The following ARHGEF10 variants were observed in gnomAD, a reference collection of about 807,000 sequenced individuals.
ARHGEF10 encodes Rho guanine nucleotide exchange factor (GEF) 10.
Under a neutral mutation model 147.4 loss-of-function variants are expected in ARHGEF10, and 140 were observed. The ratio of observed to expected loss-of-function variants is 0.95; its 90% CI spans 0.83 to 1.09. ARHGEF10 has a LOEUF of 1.09. Ranked by LOEUF, ARHGEF10 falls within the 50% of genes least tolerant of loss-of-function variation. The pLI is 0.00. For synonymous variants in ARHGEF10, 902 were observed against 695.8 expected (o/e 1.30, Z -4.67); for missense variants, 2,222 against 1,752.7 (o/e 1.27, Z -4.78).
chr8:1,938,637 G>C (rs1316021013), intron 26 of ARHGEF10, among the ~76,000 whole-genome samples: 1 of 152,072 alleles, frequency 6.6e-6, no homozygotes, highest in African/African-American at 2.4e-5. Context: ...AGAAACACAG[G>C]GCAACAAAAC....
intron 24 of ARHGEF10, 87 bp from the exon 25 acceptor site, chr8:1,929,199 T>C: frequency 7.0e-7 from 1 of 1,433,462 alleles, no homozygotes; most frequent in Non-Finnish European, 9.8e-7. Context: ...AGGGAAGAGT[T>C]GAAATGTTTG....
chr8:1,898,786 T>G (rs1260349966), intron 15 of ARHGEF10, among the ~76,000 whole-genome samples: 1 of 151,966 alleles, frequency 6.6e-6, no homozygotes, highest in East Asian at 2.0e-4. Flanking sequence ...AGGGGTGTTG[T>G]GGGCCCTGGC....
chr8:1,954,133 A>G (rs1215397811), intron 28 of ARHGEF10, among the ~76,000 whole-genome samples: 2 of 151,664 alleles, frequency 1.3e-5, no homozygotes, highest in African/African-American at 4.9e-5. Context: ...TCACTCTGGC[A>G]CCCAGGACGG....
At chr8:1,892,787 A>T (rs766341673) in intron 11 of ARHGEF10, among the ~76,000 whole-genome samples, 5 of 152,204 alleles carry the variant, frequency 3.3e-5, no homozygotes, top group African/African-American at 1.2e-4. Context: ...GAGAAACTCT[A>T]TTGCCCTGTT....
chr8:1,882,886 G>C lies in ARHGEF10; in HGVS notation c.1075+137G>C, dbSNP rs562635096. The C allele has an allele frequency of 1.1e-5, 9 of 814,490 alleles. No homozygotes were observed. The East Asian group carries it at 2.4e-4, about 22-fold the overall frequency. 50.5% of individuals were successfully genotyped at this position (814,490 alleles called of 1,614,324 possible). ...GGGAGCACCAGCCTGCTCAGTGCTTGGGTCTGAATCAGCCCTGCTGACCCC... is the reference window on the plus strand; with the variant it reads ...GGGAGCACCAGCCTGCTCAGTGCTTCGGTCTGAATCAGCCCTGCTGACCCC... On this transcript the variant is annotated intron_variant, in intron 10 of 28. Transcript: ENST00000349830.
At chr8:1,926,042 G>GGAGA (rs1812665758) in intron 22 of ARHGEF10, among the ~76,000 whole-genome samples, 1 of 152,220 alleles carries the variant, frequency 6.6e-6, no homozygotes, top group Non-Finnish European at 1.5e-5. Flanking sequence ...ACAGGGAAGG[G>GGAGA]GAGAGGCACA....
At chr8:1,930,909 A>G (rs1813087567) in intron 25 of ARHGEF10, among the ~76,000 whole-genome samples, 1 of 152,100 alleles carries the variant, frequency 6.6e-6, no homozygotes, top group African/African-American at 2.4e-5. Flanking sequence ...TCCCTGGCCG[A>G]TCCCTGGCTC....
At position 1,927,850 on chromosome 8, in the gene ARHGEF10, A is replaced by G. The variant is rs539047746; in HGVS notation, c.2698-577A>G. On this transcript the variant is annotated intron_variant, in intron 23 of 28. Transcript: ENST00000349830. ...CAGTTTCTCAGGAGGCTGAGGTGGCAGAATCGCTTGAACCCAGGAGGCAGA... is the reference window on the plus strand; with the variant it reads ...CAGTTTCTCAGGAGGCTGAGGTGGCGGAATCGCTTGAACCCAGGAGGCAGA... Among the ~76,000 whole-genome samples, 23 of 152,300 alleles carry G rather than the reference A, an allele frequency of 1.5e-4. No individual in the cohort carries two copies. The South Asian group carries it at 4.8e-3, about 32-fold the overall frequency.
chr8:1,846,994 C>T (rs995184266), intron 2 of ARHGEF10, among the ~76,000 whole-genome samples: 1 of 152,212 alleles, frequency 6.6e-6, no homozygotes, highest in African/African-American at 2.4e-5. Flanking sequence ...CTCTTGGGGC[C>T]TCCTGGCAGG....
chr8:1,853,489 G>A (rs1049559521), intron 2 of ARHGEF10, among the ~76,000 whole-genome samples: 5 of 152,242 alleles, frequency 3.3e-5, no homozygotes, highest in African/African-American at 1.2e-4. Context: ...TTTCTAGTTT[G>A]CAAATTGTAG....
chr8:1,950,463 C>G (rs1814940688), intron 27 of ARHGEF10, among the ~76,000 whole-genome samples: 1 of 152,200 alleles, frequency 6.6e-6, no homozygotes, highest in South Asian at 2.1e-4. Flanking sequence ...TTCCTGGGTA[C>G]TTTGAAACCA....
rs760945626 is a variant in ARHGEF10, at chr8:1,945,538, G to A, written c.3280G>A (p.Gly1094Ser). The change falls in exon 27 of 29, where the codon GGC becomes AGC. Residue 1094 changes from glycine to serine, a missense_variant. Physicochemically the swap from Gly to Ser is moderately conservative, Grantham distance 56. Transcript: ENST00000349830. The stretch of plus-strand genomic sequence containing the variant: ...GGTGATCTCCCACATGGCCGTGTCC[G>A]GCGTCGGGATCTGGATTGCCTTCAC... Reference protein sequence around the residue: ...GMVISHMAVSGVGIWIAFTSG... With the variant: ...GMVISHMAVSSVGIWIAFTSG... 6.8e-6 allele frequency: 11 copies of A among 1,613,966 alleles called. No homozygotes were observed. Among genetic ancestry groups the A allele is most frequent in the East Asian group, 4.5e-5 (2 of 44,882 alleles).
intron 2 of ARHGEF10, among the ~76,000 whole-genome samples, chr8:1,853,379 T>A (rs569743440): frequency 1.3e-5 from 2 of 152,376 alleles, no homozygotes; most frequent in Admixed American, 1.3e-4. Context: ...GAATGACGGC[T>A]ACACTGCAGA....
rs775199328 is a variant in ARHGEF10 at position 1,869,309 on chromosome 8, A to T, written c.679+59A>T. On this transcript the variant is annotated intron_variant, in intron 7 of 28. Transcript: ENST00000349830. ...TCAGCTCAGCAGCCTTTCCCTCTGGATGCCAAAGTGACTATTTAGTGGACG... is the reference window on the plus strand; with the variant it reads ...TCAGCTCAGCAGCCTTTCCCTCTGGTTGCCAAAGTGACTATTTAGTGGACG... 3.5e-6 allele frequency: 5 copies of T among 1,448,388 alleles called. No homozygotes were observed. The Admixed American group carries it at 8.4e-5, about 24-fold the overall frequency. The allele number at this position is 1,448,388 out of a possible 1,614,324, so 89.7% of individuals were successfully genotyped here.
At chr8:1,925,753 G>A (rs544316256) in intron 22 of ARHGEF10, among the ~76,000 whole-genome samples, 13 of 152,086 alleles carry the variant, frequency 8.5e-5, no homozygotes, top group Non-Finnish European at 1.8e-4. Context: ...ACAGTGGATC[G>A]TAACTCCAGG....
chr8:1,957,351 A>G lies in ARHGEF10; in HGVS notation c.*88A>G, dbSNP rs548669720. 3.8e-5 allele frequency: 58 copies of G among 1,525,980 alleles called. No homozygotes were observed. In the African/African-American group the frequency reaches 7.2e-4, roughly 19 times the overall value. 94.5% of individuals were successfully genotyped at this position (1,525,980 alleles called of 1,614,324 possible). ...CAGCCTGAGTGGTTAAGCTGTGTCT[A>G]CACTGGTTGGGAATAAATTAAAAAC... On this transcript the variant is annotated 3_prime_UTR_variant, in exon 29 of 29. Coordinates refer to ENST00000349830, the MANE Select transcript of ARHGEF10 (RefSeq NM_014629.4).
intron 4 of ARHGEF10, 47 bp downstream of exon 4, chr8:1,860,231 C>T: frequency 6.3e-7 from 1 of 1,599,396 alleles, no homozygotes; most frequent in South Asian, 1.1e-5. Context: ...CTGTGGTTCC[C>T]TCCTCTCCAC....
At chr8:1,866,386 T>G (rs529786854) in intron 5 of ARHGEF10, 140 bp from the exon 6 acceptor site, 47 of 767,980 alleles carry the variant, frequency 6.1e-5, no homozygotes, top group Non-Finnish European at 1.0e-4. Context: ...GGAAAATATG[T>G]GATTTCCTGT....
chr8:1,882,370 C>G (rs1324922716), intron 9 of ARHGEF10, among the ~76,000 whole-genome samples: 1 of 152,206 alleles, frequency 6.6e-6, no homozygotes, highest in East Asian at 1.9e-4. Flanking sequence ...CCCCACGTAG[C>G]TCTTTGTGTG....
Sources: gnomAD v4.1 joint callset for allele counts (sites outside exome capture counted in the v4.1 genomes callset) on GRCh38, gnomAD v4.1.1 for gene constraint, MANE v1.5 for transcripts, NCBI Gene and HGNC (gene_info 2026-07-23, HGNC 2026-07-21) for gene names.